The following SNCAIP variants were observed in gnomAD, a reference collection of about 807,000 sequenced individuals.
The protein encoded by SNCAIP is synphilin-1.
In SNCAIP, 43 loss-of-function variants were observed where a neutral mutation model predicts 86.7. The observed-to-expected ratio is 0.50, with a 90% CI of 0.39 to 0.64. The LOEUF is 0.64. Ranked by LOEUF, SNCAIP falls within the 30% of genes least tolerant of loss-of-function variation. The pLI is 0.00. For missense variants in SNCAIP, 981 were observed against 1,103.1 expected, an observed-to-expected ratio of 0.89 and a Z score of 1.57; for synonymous variants, 417 against 427.2, an observed-to-expected ratio of 0.98 and a Z score of 0.29.
intron 3 of SNCAIP, among the ~76,000 whole-genome samples, chr5:122,406,061 G>C (rs896358225): frequency 3.3e-5 from 5 of 152,128 alleles, no homozygotes; most frequent in African/African-American, 1.2e-4. Flanking sequence ...TTTGGAGGCT[G>C]GGAAACTGCA....
intron 2 of SNCAIP, among the ~76,000 whole-genome samples, chr5:122,392,635 ATGT>A (rs2152843499): frequency 6.6e-6 from 1 of 152,268 alleles, no homozygotes; most frequent in African/African-American, 2.4e-5. Flanking sequence ...TTTGATAATG[ATGT>A]TGTGTTTTAA....
chr5:122,411,825 C>G (rs951659673), intron 3 of SNCAIP, among the ~76,000 whole-genome samples: 1 of 152,172 alleles, frequency 6.6e-6, no homozygotes, highest in Admixed American at 6.5e-5. Flanking sequence ...CGTTTATGCA[C>G]ATTCAAGTTT....
At chr5:122,372,499 G>T (rs1040004446) in intron 1 of SNCAIP, among the ~76,000 whole-genome samples, 1 of 152,168 alleles carries the variant, frequency 6.6e-6, no homozygotes, top group Non-Finnish European at 1.5e-5. Context: ...AGCAAATGCA[G>T]TAGAGGGAAA....
At chr5:122,454,901 A>G (rs1357216491) in intron 10 of SNCAIP, among the ~76,000 whole-genome samples, 1 of 152,234 alleles carries the variant, frequency 6.6e-6, no homozygotes, top group Non-Finnish European at 1.5e-5. Flanking sequence ...TAGGATTACA[A>G]AAATCAGAGC....
chr5:122,325,504 A>G (rs1047536148), intron 1 of SNCAIP, among the ~76,000 whole-genome samples: 2 of 152,186 alleles, frequency 1.3e-5, no homozygotes, highest in Non-Finnish European at 2.9e-5. Context: ...ACTAGCTCAG[A>G]GTACTACATC....
At chr5:122,327,320 T>C (rs2152687479) in intron 1 of SNCAIP, among the ~76,000 whole-genome samples, 1 of 152,246 alleles carries the variant, frequency 6.6e-6, no homozygotes, top group East Asian at 1.9e-4. Flanking sequence ...GAAGTAGGCA[T>C]AGGTTCTTTA....
chr5:122,441,924 T>C (rs1781023021), intron 7 of SNCAIP, among the ~76,000 whole-genome samples: 1 of 152,142 alleles, frequency 6.6e-6, no homozygotes, highest in Non-Finnish European at 1.5e-5. Context: ...ATTATTATCA[T>C]TGAAAGTGAC....
intron 1 of SNCAIP, among the ~76,000 whole-genome samples, chr5:122,379,784 T>C (rs1766257526): frequency 6.8e-6 from 1 of 147,642 alleles, no homozygotes; most frequent in African/African-American, 2.5e-5. Flanking sequence ...TTTTTCTGCA[T>C]CTATTGAGAT....
At position 122,463,663 on chromosome 5, in the gene SNCAIP, A is replaced by G. The variant is rs1324082003; in HGVS notation, c.*167A>G. 1 of 649,056 alleles carries G rather than the reference A, an allele frequency of 1.5e-6. No individual in the cohort carries two copies. Among genetic ancestry groups the G allele is most frequent in the African/African-American group, 1.8e-5 (1 of 54,660 alleles). The allele number at this position is 649,056 out of a possible 1,614,324, so 40.2% of individuals were successfully genotyped here. On this transcript the variant is annotated 3_prime_UTR_variant, in exon 11 of 11. Transcript: ENST00000261368. ...CCTCTTTGGAAAGAGAACCATGAAAACAATGCCTCACCAGCAGAAGAACAG... is the reference window on the plus strand; with the variant it reads ...CCTCTTTGGAAAGAGAACCATGAAAGCAATGCCTCACCAGCAGAAGAACAG...
At chr5:122,370,077 C>T (rs1306121844) in intron 1 of SNCAIP, 1 of 152,050 alleles carries the variant, frequency 6.6e-6, no homozygotes, top group Non-Finnish European at 1.5e-5. Context: ...TTGTAATGTT[C>T]CCAACACTAA....
intron 3 of SNCAIP, among the ~76,000 whole-genome samples, chr5:122,409,071 A>G (rs1297516695): frequency 1.3e-5 from 2 of 151,702 alleles, no homozygotes; most frequent in South Asian, 2.1e-4. Flanking sequence ...GGATTAGCAG[A>G]AAGGAAGTTA....
intron 6 of SNCAIP, among the ~76,000 whole-genome samples, chr5:122,439,308 T>C (rs1780250381): frequency 6.6e-6 from 1 of 152,162 alleles, no homozygotes; most frequent in African/African-American, 2.4e-5. Flanking sequence ...AGGGTTTCAG[T>C]TTCTACCATG....
At chr5:122,402,536 A>G (rs1316812619) in intron 2 of SNCAIP, among the ~76,000 whole-genome samples, 1 of 152,132 alleles carries the variant, frequency 6.6e-6, no homozygotes, top group East Asian at 1.9e-4. Context: ...GAAATACTGG[A>G]AATTTAATTT....
At chr5:122,351,014 C>T (rs1467615114) in intron 1 of SNCAIP, among the ~76,000 whole-genome samples, 1 of 152,200 alleles carries the variant, frequency 6.6e-6, no homozygotes, top group Non-Finnish European at 1.5e-5. Context: ...AAATATGTGT[C>T]TAGCACATCA....
intron 10 of SNCAIP, among the ~76,000 whole-genome samples, chr5:122,463,102 TAA>T (rs1321593798): frequency 1.3e-5 from 2 of 152,226 alleles, no homozygotes; most frequent in Non-Finnish European, 2.9e-5. Flanking sequence ...TATTGGAGAA[TAA>T]AAGTGTCACC....
At chr5:122,312,132 G>T (rs967227232), upstream of SNCAIP, 49 of 149,440 alleles carry the variant, frequency 3.3e-4, no homozygotes, top group African/African-American at 1.2e-3. Flanking sequence ...CGGCGCCCGC[G>T]GCCGGGCCGC....
intron 1 of SNCAIP, among the ~76,000 whole-genome samples, chr5:122,377,348 G>A (rs1453496678): frequency 1.3e-5 from 2 of 151,998 alleles, no homozygotes; most frequent in Non-Finnish European, 1.5e-5. Flanking sequence ...ATTTGTGTTT[G>A]CATGTATTTT....
chr5:122,433,456 A>T (rs1778809052), intron 6 of SNCAIP, among the ~76,000 whole-genome samples: 1 of 152,172 alleles, frequency 6.6e-6, no homozygotes, highest in Non-Finnish European at 1.5e-5. Context: ...AAATGTATGC[A>T]GATTGTTTGT....
intron 1 of SNCAIP, among the ~76,000 whole-genome samples, chr5:122,384,023 A>G (rs886165463): frequency 3.3e-5 from 5 of 152,194 alleles, no homozygotes; most frequent in Non-Finnish European, 5.9e-5. Context: ...GATGTCTACC[A>G]TTTCTGTTTA....
Sources: allele counts gnomAD v4.1 joint callset (sites outside exome capture counted in the v4.1 genomes callset), GRCh38; gene constraint gnomAD v4.1.1; transcripts MANE v1.5; gene names NCBI Gene and HGNC (gene_info 2026-07-23, HGNC 2026-07-21).